The following TFDP1 variants were observed in gnomAD, a reference collection of about 807,000 sequenced individuals.
TFDP1 encodes the protein transcription factor Dp-1, also known as DRTF1-polypeptide 1.
TFDP1 carries 6 observed loss-of-function variants against 48.0 expected under a neutral mutation model. That is an observed-to-expected ratio of 0.13 (90% confidence interval 0.07 to 0.25). The LOEUF (loss-of-function observed/expected upper bound fraction) is 0.25. Ranked by LOEUF, TFDP1 falls within the 10% of genes least tolerant of loss-of-function variation. TFDP1 has a pLI of 1.00. For missense variants in TFDP1, 335 were observed against 543.0 expected (o/e 0.62, Z 3.81); for synonymous variants, 201 against 211.6 (o/e 0.95, Z 0.44).
intron 2 of TFDP1, among the ~76,000 whole-genome samples, chr13:113,595,951 G>A (rs976980611): frequency 9.2e-5 from 14 of 152,134 alleles, no homozygotes; most frequent in Non-Finnish European, 1.9e-4. Flanking sequence ...GCGTGGTGGC[G>A]GGCACCTGTA....
At chr13:113,596,455 G>A (rs553775225) in intron 2 of TFDP1, among the ~76,000 whole-genome samples, 13 of 152,272 alleles carry the variant, frequency 8.5e-5, no homozygotes, top group African/African-American at 2.6e-4. Context: ...CCGGTAGCCC[G>A]AGTTGAGCTG....
At chr13:113,606,430 T>G (rs1469908041) in intron 2 of TFDP1, among the ~76,000 whole-genome samples, 5 of 152,158 alleles carry the variant, frequency 3.3e-5, no homozygotes, top group Admixed American at 1.3e-4. Flanking sequence ...AAATAGCGTC[T>G]TCTTGCCGTG....
intron 4 of TFDP1, among the ~76,000 whole-genome samples, chr13:113,628,199 C>T (rs1031071185): frequency 3.4e-5 from 5 of 147,642 alleles, no homozygotes; most frequent in African/African-American, 1.0e-4. Context: ...TGTCTGAAGC[C>T]GTGTAAAGAC....
intron 2 of TFDP1, among the ~76,000 whole-genome samples, chr13:113,592,023 T>C (rs1321018803): frequency 1.3e-5 from 2 of 152,250 alleles, no homozygotes; most frequent in African/African-American, 4.8e-5. Flanking sequence ...AGGGCTCCTG[T>C]GAGGACAGGG....
rs567251693 is a variant in TFDP1, at chr13:113,586,785, T to G, written c.12+936T>G. Among the ~76,000 whole-genome samples the G allele has an allele frequency of 3.9e-5, 6 of 152,366 alleles. No homozygotes were observed. In the South Asian group the frequency reaches 1.2e-3, roughly 32 times the overall value. The stretch of plus-strand genomic sequence containing the variant: ...GACCAGGCATGTCACACGGCATCCC[T>G]GCCTTCAAGCACTGGGGTCCCCTTT... On this transcript the variant is annotated intron_variant, in intron 2 of 11. Transcript: ENST00000375370.
intron 2 of TFDP1, among the ~76,000 whole-genome samples, chr13:113,590,475 G>C (rs1362820956): frequency 6.6e-6 from 1 of 152,202 alleles, no homozygotes; most frequent in African/African-American, 2.4e-5. Context: ...GTTTCCTTCA[G>C]TGCTTGAAGG....
chr13:113,634,694 G>A (rs554322190), intron 8 of TFDP1, 92 bp downstream of exon 8: 368 of 911,412 alleles, frequency 4.0e-4, no homozygotes, highest in Admixed American at 1.1e-3. Flanking sequence ...TTACACTCCT[G>A]CATGGCAAAT....
At chr13:113,620,791 T>C (rs2048978172) in intron 3 of TFDP1, among the ~76,000 whole-genome samples, 1 of 152,252 alleles carries the variant, frequency 6.6e-6, no homozygotes, top group Admixed American at 6.5e-5. Flanking sequence ...ACCTTTATTT[T>C]TGGAAGAAAA....
intron 3 of TFDP1, among the ~76,000 whole-genome samples, chr13:113,615,089 C>T (rs540102614): frequency 2.2e-4 from 34 of 152,276 alleles, no homozygotes; most frequent in African/African-American, 7.5e-4. Context: ...GCACCAAACT[C>T]GAGACATTTT....
chr13:113,625,778 C>G (rs1310646409), intron 4 of TFDP1, among the ~76,000 whole-genome samples: 2 of 130,162 alleles, frequency 1.5e-5, no homozygotes, highest in Non-Finnish European at 3.3e-5. Context: ...GCGTCTCTCA[C>G]GTGTCCTCAG....
chr13:113,620,141 A>G (rs1379136650), intron 3 of TFDP1, among the ~76,000 whole-genome samples: 2 of 152,206 alleles, frequency 1.3e-5, no homozygotes, highest in African/African-American at 2.4e-5. Context: ...TGGTGTAGGC[A>G]GGCCAGCCGG....
chr13:113,624,313 A>C (rs1233932698), intron 4 of TFDP1, among the ~76,000 whole-genome samples: 1 of 149,178 alleles, frequency 6.7e-6, no homozygotes, highest in African/African-American at 2.5e-5. Context: ...TCTCAGGCAT[A>C]CCCAGGTGTC....
At position 113,598,399 on chromosome 13, in the gene TFDP1, T is replaced by C. The variant is rs2048335170; in HGVS notation, c.12+12550T>C. 1.3e-5 allele frequency among the ~76,000 whole-genome samples: 2 copies of C among 152,130 alleles called. No individual in the cohort carries two copies. Among genetic ancestry groups the C allele is most frequent in the South Asian group, 4.1e-4 (2 of 4,828 alleles). On this transcript the variant is annotated intron_variant, in intron 2 of 11. Transcript: ENST00000375370. The surrounding 1 kb of genome is among the most constrained non-coding windows in gnomAD (Gnocchi z 4.2). ...GCTGAAAGTCTCATTATAGATTATA[T>C]AGATTAGAGCAGCCTCTCCTGGGAG... is the stretch of plus-strand genomic sequence containing the variant.
Position 113,627,989 on chromosome 13 carries a change from T to C in TFDP1, c.187-3634T>C, listed in dbSNP as rs1031425094. Among the ~76,000 whole-genome samples the C allele has an allele frequency of 1.3e-5, 2 of 151,920 alleles. No homozygotes were observed. Among genetic ancestry groups the C allele is most frequent in the Non-Finnish European group, 2.9e-5 (2 of 68,030 alleles). ...TCGGGCAAGGTGGACCTCCGGCAGG[T>C]CCTCTACTGTGGGATGCTTCCACCT... On this transcript the variant is annotated intron_variant, in intron 4 of 11. Transcript: ENST00000375370. This position sits in a 1 kb window ranked among gnomAD's most constrained non-coding sequence, Gnocchi z 4.1.
At chr13:113,602,029 C>A (rs1320323309) in intron 2 of TFDP1, among the ~76,000 whole-genome samples, 1 of 150,948 alleles carries the variant, frequency 6.6e-6, no homozygotes, top group Non-Finnish European at 1.5e-5. Context: ...GACAGAGTTA[C>A]CTGAAGGAGT....
Position 113,633,949 on chromosome 13 carries a change from C to G in TFDP1, c.534C>G (p.Ala178=), listed in dbSNP as rs1289188422. The G allele has an allele frequency of 6.2e-7, 1 of 1,614,042 alleles. No homozygotes were observed. The highest frequency in any genetic ancestry group is 1.1e-5 in the South Asian group (1 of 91,078). ...ACGATGCCTTAAACGTGCTAATGGC[C>G]ATGAACATCATCTCCAAGGAGAAGA... is the stretch of plus-strand genomic sequence containing the variant. The part of the protein sequence containing the change: ...RVYDALNVLM[A]MNIISKEKKE... The change falls in exon 7 of 12, where the codon GCC becomes GCG. Residue 178 remains alanine (A), a synonymous_variant. Transcript: ENST00000375370. This position sits in a 1 kb window ranked among gnomAD's most constrained non-coding sequence, Gnocchi z 4.5.
At chr13:113,617,584 C>G (rs2048892614) in intron 3 of TFDP1, among the ~76,000 whole-genome samples, 1 of 139,218 alleles carries the variant, frequency 7.2e-6, no homozygotes, top group Non-Finnish European at 1.5e-5. Context: ...AGCCGCTCAC[C>G]TGCAGAGCCC....
At chr13:113,616,259 G>A (rs1033419784) in intron 3 of TFDP1, among the ~76,000 whole-genome samples, 2 of 151,012 alleles carry the variant, frequency 1.3e-5, no homozygotes, top group African/African-American at 4.9e-5. Context: ...GTGCACTTTC[G>A]CAGCTGGTGC....
At chr13:113,599,599 C>T (rs573085739) in intron 2 of TFDP1, among the ~76,000 whole-genome samples, 3 of 152,156 alleles carry the variant, frequency 2.0e-5, no homozygotes, top group Non-Finnish European at 2.9e-5. Context: ...AGTGAGGGCA[C>T]GCGGGTGTAG....
Sources: gnomAD v4.1 joint callset for allele counts (sites outside exome capture counted in the v4.1 genomes callset) on GRCh38, gnomAD v4.1.1 for gene constraint, Gnocchi (gnomAD v3.1) non-coding constraint, MANE v1.5 for transcripts, NCBI Gene and HGNC (gene_info 2026-07-23, HGNC 2026-07-21) for gene names.